Variants in MAPK15 observed in about 807,000 individuals in gnomAD.
MAPK15 encodes mitogen-activated protein kinase 15.
MAPK15 carries 61 observed loss-of-function variants against 60.8 expected under a neutral mutation model. That is an observed-to-expected ratio of 1.00 (90% CI 0.82 to 1.24). The LOEUF (loss-of-function observed/expected upper bound fraction) is 1.24, where lower values mean the gene tolerates loss of function less well. Among genes scored for constraint, MAPK15 ranks in the 50% most tolerant of loss-of-function variants. The probability of loss-of-function intolerance (pLI) is 0.00; values close to 1 mark genes in which losing one functional copy is unlikely to be tolerated. For synonymous variants in MAPK15, 356 were observed against 319.9 expected, an observed-to-expected ratio of 1.11 and a Z score of -1.21; for missense variants, 808 against 741.1, an observed-to-expected ratio of 1.09 and a Z score of -1.05.
At position 143,719,388 on chromosome 8, in the gene MAPK15, G is replaced by C. The variant is rs782072022; in HGVS notation, c.627G>C (p.Gly209=). 3.1e-6 allele frequency: 5 copies of C among 1,611,552 alleles called. No individual in the cohort carries two copies. The African/African-American group carries it at 6.7e-5, about 22-fold the overall frequency. Reference sequence around the variant, plus strand: ...TGTGGAGTCTGGGCTGTATCCTGGGGGAGATGCTGCGGGGGAGACCCCTGT... The same window carrying C: ...TGTGGAGTCTGGGCTGTATCCTGGGCGAGATGCTGCGGGGGAGACCCCTGT... ...VDMWSLGCIL[G]EMLRGRPLFP... Residue 209 remains glycine, a synonymous_variant, in exon 7 of 14, where the codon GGG becomes GGC. Coordinates refer to ENST00000338033, the MANE Select transcript of MAPK15 (RefSeq NM_139021.3).
In MAPK15 at chr8:143,718,317, G is replaced by A. The variant is rs532069482; in HGVS notation, c.286+15G>A. ...TGAGTTTATGGGTGAGTGAGGCCCC[G>A]GCCAGCGCCCCAGCCCCACCTCTGT... On this transcript the variant is annotated intron_variant, in intron 4 of 13. Transcript: ENST00000338033. 2.1e-5 allele frequency: 34 copies of A among 1,612,046 alleles called. No individual in the cohort carries two copies. Among genetic ancestry groups the A allele is most frequent in the African/African-American group, 8.0e-5 (6 of 75,012 alleles).
chr8:143,718,543 G>A (rs1047482021), intron 4 of MAPK15: 9 of 625,826 alleles, frequency 1.4e-5, no homozygotes, highest in African/African-American at 7.4e-5. Context: ...TTGCAGTTGC[G>A]TTCTCCTTTT....
chr8:143,718,460 C>A, intron 4 of MAPK15, 158 bp downstream of exon 4: 1 of 729,536 alleles, frequency 1.4e-6, no homozygotes, highest in South Asian at 1.7e-5. Context: ...AGACAGCTGA[C>A]TAGTGTCAGC....
chr8:143,719,601 A>G (rs1817968297), intron 7 of MAPK15, 119 bp downstream of exon 7: 4 of 1,343,396 alleles, frequency 3.0e-6, no homozygotes, highest in Non-Finnish European at 3.9e-6. Flanking sequence ...GACAGGGAGG[A>G]TCCAGAGGAT....
In MAPK15 at chr8:143,718,031, GTT is replaced by G. The variant is rs1554618743; in HGVS notation, c.166-14_166-13del. 1 of 1,614,092 alleles carries G rather than the reference GTT, an allele frequency of 6.2e-7. No individual in the cohort carries two copies. The highest frequency in any genetic ancestry group is 1.1e-5 in the South Asian group (1 of 91,084). On this transcript the variant is annotated splice_polypyrimidine_tract_variant and intron_variant, in intron 2 of 13. Transcript: ENST00000338033. ...TTGCTCCACCCACCCACACACCTGT[GTT>G]TCTGTCTCTTCAGAGAACATTCCGG...
In MAPK15 at chr8:143,722,258, C is replaced by G. The variant is rs56288074; in HGVS notation, c.*7C>G. The stretch of plus-strand genomic sequence containing the variant: ...GGAGGGGCACCATGTGTGAGCCGCC[C>G]TACTCCCTTCACCTGGCCCTCTGTT... On this transcript the variant is annotated 3_prime_UTR_variant, in exon 14 of 14. Coordinates refer to ENST00000338033, the MANE Select transcript of MAPK15 (RefSeq NM_139021.3). The G allele has an allele frequency of 0.027, 42,125 of 1,556,818 alleles. 652 individuals are homozygous for G. The highest frequency in any genetic ancestry group is 0.032 in the Non-Finnish European group (36,809 of 1,151,570).
chr8:143,722,420 C>T lies in MAPK15; in HGVS notation c.*169C>T, dbSNP rs906162157. ...GAGCAGATGAGGGCCCTGCCCCCGC[C>T]CCACTGACTTCCTCCAATAAAGTCA... On this transcript the variant is annotated 3_prime_UTR_variant, in exon 14 of 14. Coordinates refer to ENST00000338033, the MANE Select transcript of MAPK15 (RefSeq NM_139021.3). The T allele has an allele frequency of 2.2e-5, 12 of 551,874 alleles. No homozygotes were observed. In the East Asian group the frequency reaches 3.6e-4, roughly 17 times the overall value. 34.2% of individuals were successfully genotyped at this position (551,874 alleles called of 1,614,324 possible).
At position 143,721,561 on chromosome 8, in the gene MAPK15, C is replaced by T; in HGVS notation, c.1217C>T (p.Ala406Val). The change falls in exon 12 of 14, where the codon GCA (alanine) becomes GTA (valine). Residue 406 changes from alanine to valine, a missense_variant. Transcript: ENST00000338033. ...HDPAEHESPR[A>V]AKNVPRQNSA... Reference sequence around the variant, plus strand: ...ACTGACCCCACAGAGTCCCCCCGTGCAGCCAAGAACGTTCCCAGGCAGAAC... The same window carrying T: ...ACTGACCCCACAGAGTCCCCCCGTGTAGCCAAGAACGTTCCCAGGCAGAAC... The T allele has an allele frequency of 6.2e-7, 1 of 1,613,752 alleles. No homozygotes were observed. Among genetic ancestry groups the T allele is most frequent in the Non-Finnish European group, 8.5e-7 (1 of 1,179,844 alleles).
Position 143,721,627 on chromosome 8 carries a change from A to G in MAPK15, c.1283A>G (p.Glu428Gly), listed in dbSNP as rs1818071680. Residue 428 changes from glutamate (E) to glycine (G), a missense_variant, in exon 12 of 14, where the codon GAA (glutamate) becomes GGA (glycine). Physicochemically the swap from Glu to Gly is moderately conservative, Grantham distance 98 (BLOSUM62 -2). Transcript: ENST00000338033. ...CAAACTGCTCTCCTAGGGAATGGGGAAAGGCCCCCTGGGGCGAAGGAAGCG... is the reference window on the plus strand; with the variant it reads ...CAAACTGCTCTCCTAGGGAATGGGGGAAGGCCCCCTGGGGCGAAGGAAGCG... The part of the protein sequence containing the change: ...LLQTALLGNG[E>G]RPPGAKEAPP... 3 of 1,611,620 alleles carry G rather than the reference A, an allele frequency of 1.9e-6. No individual in the cohort carries two copies. The highest frequency in any genetic ancestry group is 2.7e-5 in the African/African-American group (2 of 74,982).
Position 143,720,335 on chromosome 8 carries a change from G to C in MAPK15, c.779+48G>C, listed in dbSNP as rs1023601884. 2 of 1,514,358 alleles carry C rather than the reference G, an allele frequency of 1.3e-6. No individual in the cohort carries two copies. Among genetic ancestry groups the C allele is most frequent in the Admixed American group, 4.4e-5 (2 of 45,296 alleles). 93.8% of individuals were successfully genotyped at this position (1,514,358 alleles called of 1,614,324 possible). A position where few individuals can be genotyped will look rare whatever the true frequency, so the allele number is the denominator to read the frequency against. On this transcript the variant is annotated intron_variant, in intron 8 of 13. Transcript: ENST00000338033. The surrounding 1 kb of genome is among the most constrained non-coding windows in gnomAD (Gnocchi z 4.6). ...GGGTGACAGGGTGGCCTATCTCAAG[G>C]GAGCAGGGCCACCTTCCTGCAAGTT...
At chr8:143,718,955 A>C (rs2131576064) in intron 5 of MAPK15, 38 bp from the exon 6 acceptor site, 1 of 1,597,596 alleles carries the variant, frequency 6.3e-7, no homozygotes. Flanking sequence ...TCCCGGCCCC[A>C]CCCAGCCCCG....
In MAPK15 at chr8:143,718,214, G is replaced by A. The variant is rs782520699; in HGVS notation, c.198G>A (p.Glu66=). ...RTFREITLLQ[E]FGDHPNIISL... is the part of the protein sequence containing the mutation. The stretch of plus-strand genomic sequence containing the variant: ...GCCGCCTCCGACTCTCTCCCCAGGA[G>A]TTTGGGGACCATCCCAACATCATCA... The change falls in exon 4 of 14, where the codon GAG becomes GAA. Residue 66 remains glutamate, a splice_region_variant and synonymous_variant. Transcript: ENST00000338033. The A allele has an allele frequency of 4.2e-5, 67 of 1,614,034 alleles. No individual in the cohort carries two copies. The East Asian group carries it at 9.8e-4, about 24-fold the overall frequency.
chr8:143,718,617 C>T (rs541230535), intron 4 of MAPK15, 158 bp from the exon 5 acceptor site: 92 of 663,694 alleles, frequency 1.4e-4, no homozygotes, highest in African/African-American at 1.1e-3. Flanking sequence ...CAGACCTCAC[C>T]GCTGTGCCCA....
chr8:143,720,363 C>T lies in MAPK15; in HGVS notation c.779+76C>T, dbSNP rs1817998870. 9.5e-6 allele frequency: 14 copies of T among 1,477,410 alleles called. No homozygotes were observed. The highest frequency in any genetic ancestry group is 1.3e-5 in the Non-Finnish European group (14 of 1,110,184). 91.5% of individuals were successfully genotyped at this position (1,477,410 alleles called of 1,614,324 possible). On this transcript the variant is annotated intron_variant, in intron 8 of 13. Transcript: ENST00000338033. The surrounding 1 kb of genome is among the most constrained non-coding windows in gnomAD (Gnocchi z 4.6). ...GCAGGGCCACCTTCCTGCAAGTTTACTGGGGCCAGTTTGTACCAGTTCAGA... is the reference window on the plus strand; with the variant it reads ...GCAGGGCCACCTTCCTGCAAGTTTATTGGGGCCAGTTTGTACCAGTTCAGA...
chr8:143,719,585 G>A, intron 7 of MAPK15, 103 bp downstream of exon 7: 1 of 1,427,982 alleles, frequency 7.0e-7, no homozygotes, highest in Admixed American at 2.5e-5. Flanking sequence ...TGAGAGGAGG[G>A]ACGGGGACAG....
rs782416842 is a variant in MAPK15, at chr8:143,721,763, CGG to C, written c.1343_1344del (p.Gly448GlufsTer24). The part of the protein sequence containing the change: ...PLTLSLVKPS[G>X]RGAAPSLTSQ... ...ATGGCCCTTCCCAGGTGAAGCCAAG[CGG>C]GAGGGGAGCTGCGCCCTCCCTGACC... is the stretch of plus-strand genomic sequence containing the variant. On this transcript the variant is annotated frameshift_variant, in exon 13 of 14. Coordinates refer to ENST00000338033, the MANE Select transcript of MAPK15 (RefSeq NM_139021.3). LOFTEE classifies it high-confidence loss of function. 6.2e-7 allele frequency: 1 copy of C among 1,613,492 alleles called. No individual in the cohort carries two copies. Among genetic ancestry groups the C allele is most frequent in the East Asian group, 2.2e-5 (1 of 44,870 alleles).
In MAPK15 at chr8:143,722,066, T is replaced by C. The variant is rs782402578; in HGVS notation, c.1459-9T>C. The C allele has an allele frequency of 2.5e-6, 4 of 1,611,442 alleles. No individual in the cohort carries two copies. The South Asian group carries it at 4.4e-5, about 18-fold the overall frequency. On this transcript the variant is annotated splice_polypyrimidine_tract_variant and intron_variant, in intron 13 of 13. Coordinates refer to ENST00000338033, the MANE Select transcript of MAPK15 (RefSeq NM_139021.3). ...ATGGCCCCTTTATGTGACCCTCAAC[T>C]GTACACAGGTCCCTCCCCGGCTTCC... is the stretch of plus-strand genomic sequence containing the variant.
intron 3 of MAPK15, 32 bp downstream of exon 3, chr8:143,718,108 C>T: frequency 1.2e-6 from 2 of 1,614,068 alleles, no homozygotes; most frequent in Non-Finnish European, 1.7e-6. Context: ...GTCCAATCCC[C>T]TTGCCCAGGT....
At position 143,720,788 on chromosome 8, in the gene MAPK15, C is replaced by T. The variant is rs782674293; in HGVS notation, c.865C>T (p.Pro289Ser). The change falls in exon 9 of 14, where the codon CCG becomes TCG. Residue 289 changes from proline to serine, a missense_variant. Coordinates refer to ENST00000338033, the MANE Select transcript of MAPK15 (RefSeq NM_139021.3). The surrounding 1 kb of genome is among the most constrained non-coding windows in gnomAD (Gnocchi z 4.6). ...DLLRRLLVFA[P>S]DKRLSATQAL... ...CCTTAGGCGACTCCTGGTGTTCGCC[C>T]CGGACAAGCGGTTAAGCGCGACCCA... The T allele has an allele frequency of 1.9e-5, 30 of 1,613,624 alleles. No homozygotes were observed. The African/African-American group carries it at 3.9e-4, about 21-fold the overall frequency.
Sources: allele counts gnomAD v4.1 joint callset, GRCh38; gene constraint gnomAD v4.1.1; non-coding constraint Gnocchi (gnomAD v3.1); transcripts MANE v1.5; gene names NCBI Gene and HGNC (gene_info 2026-07-23, HGNC 2026-07-21).